EPHB1: variants seen among roughly 807,000 people sequenced by gnomAD.
EPHB1 encodes EPH receptor B1, also known as ephrin type-B receptor 1.
A neutral mutation model predicts 94.4 loss-of-function variants in EPHB1; 30 were observed. The observed-to-expected ratio is 0.32, with a 90% confidence interval of 0.24 to 0.43. The LOEUF (loss-of-function observed/expected upper bound fraction) is 0.43. Ranked by LOEUF, EPHB1 falls within the 20% of genes least tolerant of loss-of-function variation. The pLI, the probability that EPHB1 is intolerant of heterozygous loss-of-function variation, is 1.00. For missense variants in EPHB1, 1,055 were observed against 1,308.3 expected, an observed-to-expected ratio of 0.81 and a Z score of 2.99; for synonymous variants, 522 against 489.1, an observed-to-expected ratio of 1.07 and a Z score of -0.89.
At chr3:134,850,814 C>T (rs965106837) in intron 1 of EPHB1, among the ~76,000 whole-genome samples, 2 of 152,250 alleles carry the variant, frequency 1.3e-5, no homozygotes, top group African/African-American at 4.8e-5. Flanking sequence ...TGTGGCTACT[C>T]TGAGGGCACG....
intron 2 of EPHB1, among the ~76,000 whole-genome samples, chr3:134,946,317 G>A (rs10935143): frequency 0.49 from 74,451 of 151,976 alleles, 19,060 homozygotes; most frequent in African/African-American, 0.62. Context: ...TCAGGATGAA[G>A]TTCAAAATTC....
intron 1 of EPHB1, among the ~76,000 whole-genome samples, chr3:134,881,898 T>G (rs944055183): frequency 6.6e-6 from 1 of 152,144 alleles, no homozygotes; most frequent in Non-Finnish European, 1.5e-5. Flanking sequence ...CCATCAAAGA[T>G]GACTGAGCAA....
intron 5 of EPHB1, among the ~76,000 whole-genome samples, chr3:135,144,214 G>A (rs372936567): frequency 6.6e-6 from 1 of 152,170 alleles, no homozygotes; most frequent in Admixed American, 6.5e-5. Flanking sequence ...GGGGACTTGG[G>A]GAAGTCATTT....
chr3:135,149,220 T>C (rs983352171), intron 5 of EPHB1, among the ~76,000 whole-genome samples: 2 of 152,266 alleles, frequency 1.3e-5, no homozygotes, highest in African/African-American at 4.8e-5. Context: ...TTTGCTAAAT[T>C]TGAATAATCT....
chr3:134,997,150 T>C (rs1935022429), intron 3 of EPHB1, among the ~76,000 whole-genome samples: 1 of 152,242 alleles, frequency 6.6e-6, no homozygotes, highest in African/African-American at 2.4e-5. Flanking sequence ...AGCTAACTTG[T>C]GTCTCAGCCT....
At chr3:134,948,346 T>G (rs1159079783) in intron 2 of EPHB1, among the ~76,000 whole-genome samples, 1 of 150,816 alleles carries the variant, frequency 6.6e-6, no homozygotes, top group African/African-American at 2.5e-5. Context: ...AAAAAAAAAT[T>G]TCCTTTCCTC....
chr3:134,838,240 A>G (rs1306512525), intron 1 of EPHB1, among the ~76,000 whole-genome samples: 1 of 152,166 alleles, frequency 6.6e-6, no homozygotes, highest in Non-Finnish European at 1.5e-5. Context: ...TGTAAGATTC[A>G]TGTTAGTTGA....
intron 3 of EPHB1, among the ~76,000 whole-genome samples, chr3:135,080,545 T>C (rs1938127810): frequency 6.6e-6 from 1 of 151,938 alleles, no homozygotes; most frequent in South Asian, 2.1e-4. Flanking sequence ...GATTGAATAG[T>C]CTGAGGAGAG....
At position 135,022,310 on chromosome 3, in the gene EPHB1, T is replaced by A. The variant is rs1286108253; in HGVS notation, c.805+70258T>A. 2.0e-5 allele frequency among the ~76,000 whole-genome samples: 3 copies of A among 152,340 alleles called. No homozygotes were observed. The East Asian group carries it at 5.8e-4, about 29-fold the overall frequency. Reference sequence around the variant, plus strand: ...ACAGTGCTCTTGTTTAATGCTTACATCTGTATTAATATGTAAATTTCTCTC... The same window carrying A: ...ACAGTGCTCTTGTTTAATGCTTACAACTGTATTAATATGTAAATTTCTCTC... On this transcript the variant is annotated intron_variant, in intron 3 of 15. Coordinates refer to ENST00000398015, the MANE Select transcript of EPHB1 (RefSeq NM_004441.5).
At chr3:135,255,968 T>C (rs1167874337) in intron 15 of EPHB1, among the ~76,000 whole-genome samples, 215 of 148,862 alleles carry the variant, frequency 1.4e-3, no homozygotes, top group African/African-American at 5.0e-3. Flanking sequence ...TTTACCATTA[T>C]GTAATGGCCT....
chr3:135,162,146 C>T lies in EPHB1; in HGVS notation c.1551C>T (p.Phe517=), dbSNP rs201533562. 6 of 1,610,372 alleles carry T rather than the reference C, an allele frequency of 3.7e-6. No homozygotes were observed. The Admixed American group carries it at 1.0e-4, about 27-fold the overall frequency. Residue 517 remains phenylalanine, a synonymous_variant, in exon 7 of 16, where the codon TTC becomes TTT. Transcript: ENST00000398015. The part of the protein sequence containing the change: ...RARTVAGYGK[F]SGKMCFQTLT... Reference sequence around the variant, plus strand: ...GCACTGTTGCTGGCTACGGCAAGTTCAGTGGCAAGATGTGCTTCCAGACTC... The same window carrying T: ...GCACTGTTGCTGGCTACGGCAAGTTTAGTGGCAAGATGTGCTTCCAGACTC...
intron 3 of EPHB1, among the ~76,000 whole-genome samples, chr3:135,068,510 A>T: frequency 6.6e-6 from 1 of 150,912 alleles, no homozygotes; most frequent in African/African-American, 2.4e-5. Context: ...TTGTTTTTTT[A>T]TTGTTGTTGT....
At chr3:134,978,593 A>G (rs899980739) in intron 3 of EPHB1, among the ~76,000 whole-genome samples, 1 of 152,102 alleles carries the variant, frequency 6.6e-6, no homozygotes, top group African/African-American at 2.4e-5. Flanking sequence ...CTTTCCTTTC[A>G]GTTGGCACAA....
rs566478269 is a variant in EPHB1 at position 135,040,209 on chromosome 3, C to A, written c.806-66239C>A. Among the ~76,000 whole-genome samples, 4 of 152,306 alleles carry A rather than the reference C, an allele frequency of 2.6e-5. No homozygotes were observed. The East Asian group carries it at 7.7e-4, about 29-fold the overall frequency. ...TGCTGTTCATCTCTGAAACTTGATT[C>A]CACCATCCATATCTGGGGTAATAAT... On this transcript the variant is annotated intron_variant, in intron 3 of 15. Coordinates refer to ENST00000398015, the MANE Select transcript of EPHB1 (RefSeq NM_004441.5).
At position 134,941,760 on chromosome 3, in the gene EPHB1, C is replaced by CACAG. The variant is rs1350854714; in HGVS notation, c.124-9608_124-9607insGACA. 3.3e-4 allele frequency among the ~76,000 whole-genome samples: 37 copies of CACAG among 110,814 alleles called. 2 individuals carry two copies. Among genetic ancestry groups the CACAG allele is most frequent in the South Asian group, 3.2e-4 (1 of 3,148 alleles). 72.7% of individuals were successfully genotyped at this position (110,814 alleles called of 152,430 possible). ...CTTTACATATGCACACAGACACACA[C>CACAG]ACACACACACACACACACACACACA... On this transcript the variant is annotated intron_variant, in intron 2 of 15. Coordinates refer to ENST00000398015, the MANE Select transcript of EPHB1 (RefSeq NM_004441.5).
intron 1 of EPHB1, among the ~76,000 whole-genome samples, chr3:134,875,236 G>A (rs2037592822): frequency 6.6e-6 from 1 of 152,200 alleles, no homozygotes; most frequent in Admixed American, 6.5e-5. Flanking sequence ...GAGAAGCCAA[G>A]TGTTGTCCCT....
chr3:135,171,843 A>G (rs1332119804), intron 9 of EPHB1, among the ~76,000 whole-genome samples: 2 of 152,228 alleles, frequency 1.3e-5, no homozygotes, highest in Non-Finnish European at 2.9e-5. Context: ...CCCATGAGGT[A>G]CATTTTGCAT....
Position 134,965,601 on chromosome 3 carries a change from A to G in EPHB1, c.805+13549A>G, listed in dbSNP as rs184601854. On this transcript the variant is annotated intron_variant, in intron 3 of 15. Transcript: ENST00000398015. ...AAGAGAATTTCCTCTAATAAAAACA[A>G]TTATTTTGGAGAGTGTTTTATCTGT... Among the ~76,000 whole-genome samples, 6 of 152,244 alleles carry G rather than the reference A, an allele frequency of 3.9e-5. No individual in the cohort carries two copies. In the East Asian group the frequency reaches 1.2e-3, roughly 29 times the overall value.
intron 3 of EPHB1, among the ~76,000 whole-genome samples, chr3:134,999,071 G>T (rs993294941): frequency 1.1e-4 from 17 of 152,210 alleles, no homozygotes; most frequent in African/African-American, 3.1e-4. Context: ...GCTATGCAGG[G>T]TAGTGAGTCA....
Sources: allele counts gnomAD v4.1 joint callset (sites outside exome capture counted in the v4.1 genomes callset), GRCh38; gene constraint gnomAD v4.1.1; transcripts MANE v1.5; gene names NCBI Gene and HGNC (gene_info 2026-07-23, HGNC 2026-07-21).